NHS: variants seen among roughly 807,000 people sequenced by gnomAD.
NHS encodes NHS actin remodeling regulator.
NHS carries 5 observed loss-of-function variants against 72.5 expected under a neutral mutation model. The ratio of observed to expected loss-of-function variants is 0.07; its 90% CI spans 0.04 to 0.14. The LOEUF (loss-of-function observed/expected upper bound fraction) is 0.14, where lower values mean the gene tolerates loss of function less well. NHS is among the 10% of genes least tolerant of loss of function. NHS has a pLI of 1.00. For missense variants in NHS, 1,072 were observed against 1,355.7 expected (o/e 0.79, Z 3.29); for synonymous variants, 464 against 547.7 (o/e 0.85, Z 2.13).
At chrX:17,392,066 C>G in intron 1 of NHS, among the ~76,000 whole-genome samples, 1 of 111,699 alleles carries the variant, frequency 9.0e-6, no homozygotes, top group Non-Finnish European at 1.9e-5. Context: ...AACTTTGTGA[C>G]AGAGTTCTGT....
At chrX:17,617,382 C>T (rs1056207377) in intron 1 of NHS, among the ~76,000 whole-genome samples, 2 of 112,353 alleles carry the variant, frequency 1.8e-5, no homozygotes, top group Non-Finnish European at 3.8e-5. Flanking sequence ...ACATATTTGA[C>T]GTTTCAGTGC....
intron 1 of NHS, among the ~76,000 whole-genome samples, chrX:17,459,538 C>T (rs2064838926): frequency 8.9e-6 from 1 of 112,301 alleles, no homozygotes; most frequent in Non-Finnish European, 1.9e-5. Context: ...AAATTAAGCC[C>T]TCCCTATTCC....
At chrX:17,673,117 C>T (rs964953474) in intron 1 of NHS, among the ~76,000 whole-genome samples, 9 of 107,196 alleles carry the variant, frequency 8.4e-5, no homozygotes, top group Middle Eastern at 4.3e-3. Flanking sequence ...ATTCAACTCA[C>T]GTTTGAGCAC....
intron 1 of NHS, among the ~76,000 whole-genome samples, chrX:17,606,830 G>A (rs1362623214): frequency 8.9e-6 from 1 of 112,338 alleles, no homozygotes; most frequent in Non-Finnish European, 1.9e-5. Context: ...CATTTAGTGG[G>A]CTGAGCTTGG....
At chrX:17,698,936 ATATG>A (rs998411764) in intron 3 of NHS, among the ~76,000 whole-genome samples, 1 of 111,501 alleles carries the variant, frequency 9.0e-6, no homozygotes. Flanking sequence ...ACATATGTAT[ATATG>A]TATGTATATA....
At chrX:17,406,715 C>G (rs2064531016) in intron 1 of NHS, among the ~76,000 whole-genome samples, 1 of 112,133 alleles carries the variant, frequency 8.9e-6, no homozygotes, top group Admixed American at 9.5e-5. Flanking sequence ...GTTGCACTCT[C>G]AGGAATCATT....
At chrX:17,483,265 A>G (rs2064954096) in intron 1 of NHS, among the ~76,000 whole-genome samples, 1 of 112,274 alleles carries the variant, frequency 8.9e-6, no homozygotes. Flanking sequence ...AAAAATTCCA[A>G]TATTATAATA....
intron 1 of NHS, among the ~76,000 whole-genome samples, chrX:17,427,979 T>C (rs1200870924): frequency 8.9e-6 from 1 of 111,893 alleles, no homozygotes; most frequent in East Asian, 2.8e-4. Context: ...ATCTTGGGTC[T>C]CTCTCCAGCC....
chrX:17,415,293 A>G (rs2064587449), intron 1 of NHS, among the ~76,000 whole-genome samples: 1 of 111,262 alleles, frequency 9.0e-6, no homozygotes, highest in African/African-American at 3.3e-5. Context: ...GAATGAATCA[A>G]TCCTCTGGAC....
chrX:17,379,011 T>C (rs754824618), intron 1 of NHS, among the ~76,000 whole-genome samples: 2 of 111,869 alleles, frequency 1.8e-5, no homozygotes, highest in Non-Finnish European at 3.8e-5. Flanking sequence ...CTCCCTTTAG[T>C]ATTGCTCAGG....
At chrX:17,658,938 G>T in intron 1 of NHS, among the ~76,000 whole-genome samples, 1 of 112,173 alleles carries the variant, frequency 8.9e-6, no homozygotes. Context: ...CATAATAGGT[G>T]AGCCCCAAAT....
chrX:17,542,646 A>G (rs1167279032), intron 1 of NHS, among the ~76,000 whole-genome samples: 6 of 111,935 alleles, frequency 5.4e-5, no homozygotes, highest in Admixed American at 2.8e-4. Flanking sequence ...GAGCTTCTAC[A>G]AAGTGACACA....
chrX:17,421,590 T>C (rs2146866562), intron 1 of NHS, among the ~76,000 whole-genome samples: 1 of 111,102 alleles, frequency 9.0e-6, no homozygotes, highest in South Asian at 3.8e-4. Flanking sequence ...TTTTATTTTA[T>C]TTTTGAGACA....
At chrX:17,394,948 CT>C (rs1349066513) in intron 1 of NHS, among the ~76,000 whole-genome samples, 1 of 111,333 alleles carries the variant, frequency 9.0e-6, no homozygotes, top group Non-Finnish European at 1.9e-5. Flanking sequence ...TTATAATATT[CT>C]TTTGATAGAT....
chrX:17,622,725 C>T (rs907082163), intron 1 of NHS, among the ~76,000 whole-genome samples: 10 of 111,314 alleles, frequency 9.0e-5, no homozygotes, highest in Non-Finnish European at 1.7e-4. Context: ...GAGCAGGGCA[C>T]AGAGCAGGAT....
At chrX:17,579,384 G>C (rs934561151) in intron 1 of NHS, among the ~76,000 whole-genome samples, 1 of 110,945 alleles carries the variant, frequency 9.0e-6, no homozygotes, top group South Asian at 3.8e-4. Context: ...ATTTTTTCCT[G>C]ATGCTATTTT....
chrX:17,530,829 G>T (rs1276279335), intron 1 of NHS, among the ~76,000 whole-genome samples: 1 of 110,756 alleles, frequency 9.0e-6, no homozygotes, highest in Non-Finnish European at 1.9e-5. Flanking sequence ...CCCAGGTTTG[G>T]GTACCGTGGC....
At chrX:17,377,793 T>C (rs1457287996) in intron 1 of NHS, among the ~76,000 whole-genome samples, 1 of 113,239 alleles carries the variant, frequency 8.8e-6, no homozygotes, top group African/African-American at 3.2e-5. Context: ...CGGAGTTGGG[T>C]TAATGACTGG....
chrX:17,526,416 T>C (rs1426430783), intron 1 of NHS, among the ~76,000 whole-genome samples: 2 of 112,374 alleles, frequency 1.8e-5, no homozygotes, highest in South Asian at 3.7e-4. Flanking sequence ...GTTCATATGG[T>C]GATCACGGAA....
Sources: gnomAD v4.1 joint callset for allele counts (sites outside exome capture counted in the v4.1 genomes callset) on GRCh38, gnomAD v4.1.1 for gene constraint, MANE v1.5 for transcripts, NCBI Gene and HGNC (gene_info 2026-07-23, HGNC 2026-07-21) for gene names.